RNF111: variants seen among roughly 807,000 people sequenced by gnomAD.
The protein encoded by RNF111 is ring finger protein 111, also known as E3 ubiquitin-protein ligase Arkadia.
A neutral mutation model predicts 95.1 loss-of-function variants in RNF111; 17 were observed. The ratio of observed to expected loss-of-function variants is 0.18; its 90% CI spans 0.12 to 0.27. The LOEUF (loss-of-function observed/expected upper bound fraction) is 0.27, where lower values mean the gene tolerates loss of function less well. Ranked by LOEUF, RNF111 falls within the 10% of genes least tolerant of loss-of-function variation. The pLI is 1.00. For synonymous variants in RNF111, 440 were observed against 414.8 expected (o/e 1.06, Z -0.74); for missense variants, 1,189 against 1,210.4 (o/e 0.98, Z 0.26).
At chr15:59,086,208 C>G (rs1466102244) in intron 10 of RNF111, among the ~76,000 whole-genome samples, 1 of 152,124 alleles carries the variant, frequency 6.6e-6, no homozygotes, top group African/African-American at 2.4e-5. Context: ...CAACCTCCAC[C>G]TCCTGGGTTC....
chr15:59,052,489 T>A, intron 3 of RNF111, 58 bp downstream of exon 3: 1 of 1,272,796 alleles, frequency 7.9e-7, no homozygotes, highest in Non-Finnish European at 1.0e-6. Context: ...ATTAAACATA[T>A]TTGTGCTGCA....
intron 1 of RNF111, among the ~76,000 whole-genome samples, chr15:59,014,841 T>C (rs551196769): frequency 6.6e-6 from 1 of 152,086 alleles, no homozygotes; most frequent in African/African-American, 2.4e-5. Context: ...CTGCAGTCCT[T>C]ACCTCCTGGG....
chr15:59,044,739 G>A (rs1217050586), intron 2 of RNF111, among the ~76,000 whole-genome samples: 1 of 152,132 alleles, frequency 6.6e-6, no homozygotes, highest in Non-Finnish European at 1.5e-5. Context: ...AGTTGACCCA[G>A]TAAGAAGTGA....
chr15:59,061,621 A>G (rs553430649), intron 5 of RNF111, among the ~76,000 whole-genome samples: 52 of 152,198 alleles, frequency 3.4e-4, no homozygotes, highest in African/African-American at 1.2e-3. Context: ...GTCCTCCTCT[A>G]CTAATTCCTA....
chr15:59,057,168 A>G (rs1209275620), intron 4 of RNF111, among the ~76,000 whole-genome samples: 1 of 152,164 alleles, frequency 6.6e-6, no homozygotes, highest in Non-Finnish European at 1.5e-5. Context: ...CATCTAATGG[A>G]TAGAGACCAT....
intron 6 of RNF111, among the ~76,000 whole-genome samples, chr15:59,070,847 G>T (rs1305284030): frequency 2.0e-5 from 3 of 152,066 alleles, no homozygotes; most frequent in Non-Finnish European, 4.4e-5. Context: ...TTTGACAAAT[G>T]CATTACCCTA....
At chr15:58,995,221 G>A (rs1231686774) in intron 1 of RNF111, among the ~76,000 whole-genome samples, 4 of 152,118 alleles carry the variant, frequency 2.6e-5, no homozygotes, top group Admixed American at 2.6e-4. Context: ...GATCTTTACT[G>A]ATCTTTACTC....
intron 8 of RNF111, among the ~76,000 whole-genome samples, chr15:59,083,348 CCATCCTGGCCAA>C (rs1268325682): frequency 6.6e-6 from 1 of 151,942 alleles, no homozygotes; most frequent in Admixed American, 6.6e-5. Flanking sequence ...GAGATTGAGA[CCATCCTGGCCAA>C]CATCCTGGCC....
At chr15:59,047,656 A>G (rs769929043) in intron 2 of RNF111, among the ~76,000 whole-genome samples, 1 of 151,974 alleles carries the variant, frequency 6.6e-6, no homozygotes, top group Admixed American at 6.6e-5. Context: ...GCTCACTGCA[A>G]CGTGCGTCTC....
At chr15:59,044,064 T>C (rs2041594924) in intron 2 of RNF111, among the ~76,000 whole-genome samples, 1 of 152,122 alleles carries the variant, frequency 6.6e-6, no homozygotes, top group South Asian at 2.1e-4. Context: ...GAGTTTCGCT[T>C]TTGCCGCCCA....
rs758155441 is a variant in RNF111 at position 59,052,428 on chromosome 15, A to T, written c.1004A>T (p.Tyr335Phe). 1.9e-5 allele frequency: 29 copies of T among 1,564,318 alleles called. No individual in the cohort carries two copies. Among genetic ancestry groups the T allele is most frequent in the Non-Finnish European group, 2.2e-5 (26 of 1,161,482 alleles). Residue 335 changes from tyrosine to phenylalanine, a missense_variant, in exon 3 of 14, where the codon TAT (tyrosine) becomes TTT (phenylalanine). Physicochemically the swap from Tyr to Phe is conservative, Grantham distance 22 (BLOSUM62 3). Transcript: ENST00000348370. ...GAGATTGTAACAGTTGGAGAAAGCT[A>T]TCGGTGAGATTTTAATTCTTAGTTA... The part of the protein sequence containing the change: ...EVEIVTVGES[Y>F]RSRSTLGHSR...
At chr15:59,053,232 A>G (rs2042065678) in intron 3 of RNF111, among the ~76,000 whole-genome samples, 1 of 152,192 alleles carries the variant, frequency 6.6e-6, no homozygotes, top group Middle Eastern at 3.2e-3. Flanking sequence ...TAACTGGAAA[A>G]GACATTGCCC....
chr15:59,071,879 T>C (rs1566931966), intron 6 of RNF111, among the ~76,000 whole-genome samples: 1 of 152,154 alleles, frequency 6.6e-6, no homozygotes, highest in Non-Finnish European at 1.5e-5. Flanking sequence ...AAAGTGAATA[T>C]TGCAATAAAG....
At chr15:59,044,644 A>G (rs986019168) in intron 2 of RNF111, among the ~76,000 whole-genome samples, 2 of 152,204 alleles carry the variant, frequency 1.3e-5, no homozygotes, top group Admixed American at 6.5e-5. Context: ...TTCGAAGAAA[A>G]TCACCCACAG....
At chr15:59,046,702 C>G (rs2041726668) in intron 2 of RNF111, among the ~76,000 whole-genome samples, 1 of 152,070 alleles carries the variant, frequency 6.6e-6, no homozygotes, top group Admixed American at 6.6e-5. Context: ...AAATCACAAT[C>G]CATAAAAGAA....
rs192865346 is a variant in RNF111 at position 59,068,709 on chromosome 15, C to T, written c.1686+1626C>T. 4.9e-4 allele frequency among the ~76,000 whole-genome samples: 74 copies of T among 152,126 alleles called. 1 individual carries two copies. The highest frequency in any genetic ancestry group is 4.4e-4 in the Non-Finnish European group (30 of 67,980). On this transcript the variant is annotated intron_variant, in intron 6 of 13. Coordinates refer to ENST00000348370, the MANE Select transcript of RNF111 (RefSeq NM_017610.8). ...CCAAGCTACCACTTTTCTATGTCAC[C>T]CGACCTTTCCTAAAGTACTTGCCTC... is the stretch of plus-strand genomic sequence containing the variant.
intron 1 of RNF111, among the ~76,000 whole-genome samples, chr15:59,011,685 C>A (rs2141552336): frequency 6.6e-6 from 1 of 152,174 alleles, no homozygotes; most frequent in South Asian, 2.1e-4. Context: ...TTAAATTTCC[C>A]CTTCTTTTAA....
rs756637954 is a variant in RNF111 at position 59,031,460 on chromosome 15, G to T, written c.638G>T (p.Arg213Ile). The T allele has an allele frequency of 7.4e-6, 12 of 1,614,076 alleles. No homozygotes were observed. Among genetic ancestry groups the T allele is most frequent in the Non-Finnish European group, 1.0e-5 (12 of 1,180,044 alleles). ...AGTTCGTTACGGAGACTTCCATGCA[G>T]AAAGAGATTTGTAAAAAATAATTCC... is the stretch of plus-strand genomic sequence containing the variant. ...HGSSLRRLPC[R>I]KRFVKNNSSQ... Residue 213 changes from arginine (R) to isoleucine (I), a missense_variant, in exon 2 of 14, where the codon AGA becomes ATA. Physicochemically the swap from Arg to Ile is moderately conservative, Grantham distance 97. Coordinates refer to ENST00000348370, the MANE Select transcript of RNF111 (RefSeq NM_017610.8).
chr15:59,032,905 TCACA>T (rs1242525419), intron 2 of RNF111, among the ~76,000 whole-genome samples: 10 of 152,010 alleles, frequency 6.6e-5, no homozygotes, highest in African/African-American at 2.4e-4. Context: ...TCTCTCTCTC[TCACA>T]CACACAGTAA....
Sources: allele counts gnomAD v4.1 joint callset (sites outside exome capture counted in the v4.1 genomes callset), GRCh38; gene constraint gnomAD v4.1.1; transcripts MANE v1.5; gene names NCBI Gene and HGNC (gene_info 2026-07-23, HGNC 2026-07-21).